PBX3: variants seen among roughly 807,000 people sequenced by gnomAD.
PBX3 encodes pre-B-cell leukemia transcription factor 3.
PBX3 carries 14 observed loss-of-function variants against 48.5 expected under a neutral mutation model. The observed-to-expected ratio is 0.29, with a 90% CI of 0.19 to 0.45. The LOEUF is 0.45. Ranked by LOEUF, PBX3 falls within the 20% of genes least tolerant of loss-of-function variation. The pLI, the probability that PBX3 is intolerant of heterozygous loss-of-function variation, is 1.00. For missense variants in PBX3, 386 were observed against 546.7 expected (o/e 0.71, Z 2.93); for synonymous variants, 210 against 200.3 (o/e 1.05, Z -0.41).
chr9:125,772,952 G>A (rs1836978427), intron 2 of PBX3, among the ~76,000 whole-genome samples: 1 of 152,184 alleles, frequency 6.6e-6, no homozygotes, highest in Non-Finnish European at 1.5e-5. Context: ...TACAAGCTGA[G>A]TCATTTATAA....
intron 2 of PBX3, among the ~76,000 whole-genome samples, chr9:125,903,634 A>G (rs1440630333): frequency 3.3e-5 from 5 of 151,888 alleles, no homozygotes; most frequent in Non-Finnish European, 7.4e-5. Flanking sequence ...TGTCTTCAAA[A>G]TCTTTGTTTC....
intron 2 of PBX3, among the ~76,000 whole-genome samples, chr9:125,755,856 A>C (rs997990688): frequency 6.6e-6 from 1 of 151,882 alleles, no homozygotes; most frequent in South Asian, 2.1e-4. Context: ...ACTGAATATA[A>C]AGTTTTTATT....
At chr9:125,749,826 A>C (rs1163995390) in intron 2 of PBX3, among the ~76,000 whole-genome samples, 1 of 152,224 alleles carries the variant, frequency 6.6e-6, no homozygotes, top group Admixed American at 6.5e-5. Context: ...AATCAAGAAA[A>C]GATGATGAGT....
intron 2 of PBX3, among the ~76,000 whole-genome samples, chr9:125,798,488 C>T (rs181381633): frequency 7.3e-6 from 1 of 136,212 alleles, no homozygotes; most frequent in Non-Finnish European, 1.5e-5. Flanking sequence ...TTATCCCCAC[C>T]TCCCATTTCT....
chr9:125,761,855 A>G (rs1836677441), intron 2 of PBX3, among the ~76,000 whole-genome samples: 1 of 152,162 alleles, frequency 6.6e-6, no homozygotes, highest in Non-Finnish European at 1.5e-5. Flanking sequence ...AGAGACTGGT[A>G]CCGAGTAGAG....
At position 125,923,159 on chromosome 9, in the gene PBX3, T is replaced by C. The variant is rs1841491893; in HGVS notation, c.517-6496T>C. ...TATGAGTTTTTAGATGCAGACACTT[T>C]TTTGCTTTTAACCCTTTTTTCTTAT... is the stretch of plus-strand genomic sequence containing the variant. On this transcript the variant is annotated intron_variant, in intron 3 of 8. Transcript: ENST00000373489. Among the ~76,000 whole-genome samples the C allele has an allele frequency of 1.3e-5, 2 of 152,218 alleles. 1 individual carries two copies. Among genetic ancestry groups the C allele is most frequent in the South Asian group, 4.1e-4 (2 of 4,836 alleles).
chr9:125,930,740 A>G (rs577942608), intron 4 of PBX3, among the ~76,000 whole-genome samples: 11 of 152,250 alleles, frequency 7.2e-5, no homozygotes, highest in Non-Finnish European at 1.5e-4. Flanking sequence ...CCTTTTGTAC[A>G]TGGGCTAGCA....
chr9:125,949,345 C>T (rs1249095011), intron 5 of PBX3: 1 of 1,550,062 alleles, frequency 6.5e-7, no homozygotes, highest in Non-Finnish European at 8.7e-7. Flanking sequence ...AGTTGTCATC[C>T]ATTCAACCTA....
intron 2 of PBX3, among the ~76,000 whole-genome samples, chr9:125,855,172 G>T (rs1380127096): frequency 6.6e-6 from 1 of 152,142 alleles, no homozygotes; most frequent in Non-Finnish European, 1.5e-5. Flanking sequence ...GATCTCATCT[G>T]CAAGAACTTA....
intron 2 of PBX3, among the ~76,000 whole-genome samples, chr9:125,796,139 TTAAAA>T (rs1315362614): frequency 6.6e-6 from 1 of 152,178 alleles, no homozygotes; most frequent in Non-Finnish European, 1.5e-5. Context: ...ATAGCTCAGA[TTAAAA>T]TTAGAAACTG....
chr9:125,772,511 A>G (rs1387264596), intron 2 of PBX3, among the ~76,000 whole-genome samples: 1 of 152,218 alleles, frequency 6.6e-6, no homozygotes. Context: ...TTGATGCAGA[A>G]TAATACTGAT....
intron 2 of PBX3, among the ~76,000 whole-genome samples, chr9:125,760,271 T>C (rs1836629991): frequency 6.6e-6 from 1 of 152,242 alleles, no homozygotes; most frequent in South Asian, 2.1e-4. Flanking sequence ...TTAATTAAAT[T>C]GTAAATTTCA....
intron 8 of PBX3, among the ~76,000 whole-genome samples, chr9:125,964,737 C>T (rs979663870): frequency 6.6e-6 from 1 of 152,158 alleles, no homozygotes; most frequent in African/African-American, 2.4e-5. Context: ...CTGCCACATG[C>T]TCATCTAGGA....
rs189234790 is a variant in PBX3, at chr9:125,782,853, T to C, written c.274+34230T>C. 6.0e-4 allele frequency among the ~76,000 whole-genome samples: 92 copies of C among 152,334 alleles called. 1 individual carries two copies. In the East Asian group the frequency reaches 0.015, roughly 24 times the overall value. ...AATTCTTAGTAGGCAGGTTTTTTTT[T>C]CTTTCAGCACTTTAAATATGTTGTC... On this transcript the variant is annotated intron_variant, in intron 2 of 8. Coordinates refer to ENST00000373489, the MANE Select transcript of PBX3 (RefSeq NM_006195.6).
chr9:125,935,718 G>T, intron 5 of PBX3, 111 bp downstream of exon 5: 2 of 1,064,036 alleles, frequency 1.9e-6, no homozygotes, highest in Non-Finnish European at 2.7e-6. Flanking sequence ...CATCAAAAAA[G>T]ATATAAGGAA....
chr9:125,824,600 T>C (rs913908856), intron 2 of PBX3, among the ~76,000 whole-genome samples: 2 of 152,222 alleles, frequency 1.3e-5, no homozygotes, highest in African/African-American at 2.4e-5. Context: ...TATAAGGAAG[T>C]TAACAGGGTC....
intron 4 of PBX3, among the ~76,000 whole-genome samples, chr9:125,930,201 C>T (rs1841683440): frequency 6.6e-6 from 1 of 152,192 alleles, no homozygotes; most frequent in Non-Finnish European, 1.5e-5. Context: ...CTTAATGTTA[C>T]ACGGGTTGTG....
rs1201887311 is a variant in PBX3 at position 125,776,502 on chromosome 9, TGTG to T, written c.274+27882_274+27884del. 2.0e-5 allele frequency among the ~76,000 whole-genome samples: 3 copies of T among 152,304 alleles called. No individual in the cohort carries two copies. In the East Asian group the frequency reaches 5.8e-4, roughly 29 times the overall value. ...AAAATATATTGGTCTATAGTTTTCT[TGTG>T]GTAATTTTATCTGGCTTCAGTCTCA... On this transcript the variant is annotated intron_variant, in intron 2 of 8. Transcript: ENST00000373489.
Position 125,772,643 on chromosome 9 carries a change from G to A in PBX3, c.274+24020G>A, listed in dbSNP as rs551183664. 1.6e-4 allele frequency among the ~76,000 whole-genome samples: 24 copies of A among 152,294 alleles called. No homozygotes were observed. The South Asian group carries it at 4.4e-3, about 28-fold the overall frequency. ...TTTCCTAAAGTAAGGCCACTAATTC[G>A]TAGCTTTCAGGATTGTGAGAATTAG... is the stretch of plus-strand genomic sequence containing the variant. On this transcript the variant is annotated intron_variant, in intron 2 of 8. Coordinates refer to ENST00000373489, the MANE Select transcript of PBX3 (RefSeq NM_006195.6).
Sources: gnomAD v4.1 joint callset for allele counts (sites outside exome capture counted in the v4.1 genomes callset) on GRCh38, gnomAD v4.1.1 for gene constraint, MANE v1.5 for transcripts, NCBI Gene and HGNC (gene_info 2026-07-23, HGNC 2026-07-21) for gene names.